Variants in SPATA13 observed in about 807,000 individuals in gnomAD.
The protein encoded by SPATA13 is spermatogenesis-associated protein 13.
A neutral mutation model predicts 104.0 loss-of-function variants in SPATA13; 50 were observed. The ratio of observed to expected loss-of-function variants is 0.48; its 90% CI spans 0.38 to 0.61. The LOEUF (loss-of-function observed/expected upper bound fraction) is 0.61. SPATA13 is among the 20% of genes least tolerant of loss of function. SPATA13 has a pLI of 0.00. For synonymous variants in SPATA13, 606 were observed against 667.5 expected, an observed-to-expected ratio of 0.91 and a Z score of 1.42; for missense variants, 1,524 against 1,690.6, an observed-to-expected ratio of 0.90 and a Z score of 1.73.
chr13:24,169,649 T>C (rs184047672), intron 1 of SPATA13, among the ~76,000 whole-genome samples: 4 of 152,318 alleles, frequency 2.6e-5, no homozygotes, highest in Admixed American at 2.0e-4. Context: ...AGGTGCCCAG[T>C]GTCGCTTCTC....
At position 24,300,420 on chromosome 13, in the gene SPATA13, C is replaced by G. The variant is rs1462043940; in HGVS notation, c.3603C>G (p.Asn1201Lys). Reference sequence around the variant, plus strand: ...ATGCAGGAATGGAAATTTCAGAAAACCAGAAGAAACTTGCCATGTTAAATG... The same window carrying G: ...ATGCAGGAATGGAAATTTCAGAAAAGCAGAAGAAACTTGCCATGTTAAATG... ...DKEMGMEISE[N>K]QKKLAMLNAQ... is the part of the protein sequence containing the mutation. Residue 1201 changes from asparagine (N) to lysine (K), a missense_variant, in exon 12 of 13, where the codon AAC (asparagine) becomes AAG (lysine). Asn to Lys is a moderately conservative substitution (Grantham distance 94). Transcript: ENST00000382108. 6.2e-7 allele frequency: 1 copy of G among 1,613,122 alleles called. No homozygotes were observed. Among genetic ancestry groups the G allele is most frequent in the Non-Finnish European group, 8.5e-7 (1 of 1,179,702 alleles).
At chr13:24,031,406 A>G (rs1167345335) in intron 3 of SPATA13, among the ~76,000 whole-genome samples, 1 of 152,222 alleles carries the variant, frequency 6.6e-6, no homozygotes, top group Non-Finnish European at 1.5e-5. Context: ...TTAGTTCACA[A>G]TGAGAGAGAG....
intron 3 of SPATA13, among the ~76,000 whole-genome samples, chr13:24,100,143 A>T (rs897624191): frequency 1.8e-3 from 42 of 23,748 alleles, no homozygotes; most frequent in African/African-American, 8.3e-3. Context: ...TAAATAGTTT[A>T]AAAAAAAAAA....
intron 1 of SPATA13, among the ~76,000 whole-genome samples, chr13:24,206,191 CA>C (rs1870687702): frequency 6.6e-6 from 1 of 152,000 alleles, no homozygotes; most frequent in Admixed American, 6.6e-5. Flanking sequence ...AAAGGTCTAA[CA>C]TCCAACATCT....
intron 3 of SPATA13, among the ~76,000 whole-genome samples, chr13:24,071,626 G>A (rs1033026866): frequency 8.5e-5 from 13 of 152,176 alleles, no homozygotes; most frequent in African/African-American, 3.1e-4. Flanking sequence ...TGTTCCTTTG[G>A]TGTCTGACCG....
rs568543279 is a variant in SPATA13, at chr13:24,294,611, G to T, written c.3081-128G>T. ...AGGGAACAAGAAAAAGGGAAACAGT[G>T]GCTAATGACGTAAATGTCACTTTGT... On this transcript the variant is annotated intron_variant, in intron 9 of 12. Coordinates refer to ENST00000382108, the MANE Select transcript of SPATA13 (RefSeq NM_001166271.3). 4.8e-5 allele frequency: 45 copies of T among 942,980 alleles called. 1 individual carries two copies. In the South Asian group the frequency reaches 1.1e-3, roughly 24 times the overall value. The allele number at this position is 942,980 out of a possible 1,614,324, so 58.4% of individuals were successfully genotyped here.
rs750649425 is a variant in SPATA13 at position 24,297,643 on chromosome 13, A to T, written c.3491A>T (p.Tyr1164Phe). 10 of 1,614,226 alleles carry T rather than the reference A, an allele frequency of 6.2e-6. No homozygotes were observed. In the South Asian group the frequency reaches 1.1e-4, roughly 18 times the overall value. ...GTCAGTAGGACCACAGACGAGGTTT[A>T]TTTGTTTTGTGCCAAAAAACAAGAA... Reference protein sequence around the residue: ...KLVSRTTDEVYLFCAKKQEDK... With the variant: ...KLVSRTTDEVFLFCAKKQEDK... Residue 1164 changes from tyrosine to phenylalanine, a missense_variant, in exon 11 of 13, where the codon TAT becomes TTT. Transcript: ENST00000382108.
chr13:24,256,840 C>T (rs903388559), intron 4 of SPATA13, among the ~76,000 whole-genome samples: 6 of 152,184 alleles, frequency 3.9e-5, no homozygotes, highest in Admixed American at 1.3e-4. Context: ...GGAGCCTTAT[C>T]GGAGGGAAGA....
chr13:24,082,826 C>CAAAAAAAAAAAAAA (rs3075296), intron 3 of SPATA13, among the ~76,000 whole-genome samples: 1 of 50,044 alleles, frequency 2.0e-5, no homozygotes, highest in African/African-American at 8.6e-5. Context: ...GACTCCGTCT[C>CAAAAAAAAAAAAAA]AAAAAAAAAA....
upstream of SPATA13, among the ~76,000 whole-genome samples, chr13:24,159,066 T>G: frequency 6.6e-6 from 1 of 152,222 alleles, no homozygotes; most frequent in East Asian, 1.9e-4. Context: ...AAAATCAAAA[T>G]CTGCTCCTCA....
chr13:24,162,511 A>T, intron 1 of SPATA13: 1 of 155,982 alleles, frequency 6.4e-6, no homozygotes. Flanking sequence ...GCATCTCTGC[A>T]GGAGGACTCT....
chr13:24,058,371 G>GT (rs1017013935), intron 3 of SPATA13, among the ~76,000 whole-genome samples: 1 of 151,800 alleles, frequency 6.6e-6, no homozygotes, highest in African/African-American at 2.4e-5. Context: ...AATGCTCACC[G>GT]TAATCCCTTC....
chr13:24,206,555 TTACTGGG>T (rs1348467537), intron 1 of SPATA13, among the ~76,000 whole-genome samples: 1 of 152,152 alleles, frequency 6.6e-6, no homozygotes, highest in Admixed American at 6.5e-5. Context: ...AACAATCCCA[TTACTGGG>T]TATATACCCA....
chr13:24,233,883 TTAAACA>T (rs1872420714), intron 2 of SPATA13, among the ~76,000 whole-genome samples: 1 of 90,856 alleles, frequency 1.1e-5, no homozygotes. Context: ...CTTTATACAC[TTAAACA>T]CACACACACA....
intron 3 of SPATA13, among the ~76,000 whole-genome samples, chr13:24,096,770 G>A (rs1323698402): frequency 1.3e-5 from 2 of 152,252 alleles, no homozygotes; most frequent in Admixed American, 6.5e-5. Context: ...GCAGAGCCCT[G>A]CAGAAGAGAG....
chr13:24,249,360 C>T (rs1873343441), intron 2 of SPATA13, 117 bp from the exon 3 acceptor site: 1 of 1,270,470 alleles, frequency 7.9e-7, no homozygotes, highest in Non-Finnish European at 1.1e-6. Context: ...TTTTAATAAA[C>T]AAGTAAATCA....
At chr13:23,985,567 C>T (rs1468203545) in intron 2 of SPATA13, among the ~76,000 whole-genome samples, 2 of 152,200 alleles carry the variant, frequency 1.3e-5, no homozygotes, top group Admixed American at 6.5e-5. Flanking sequence ...TGTGTCTGCC[C>T]CAGTGTGAGT....
intron 1 of SPATA13, among the ~76,000 whole-genome samples, chr13:24,172,300 A>G (rs1883006878): frequency 6.6e-6 from 1 of 152,256 alleles, no homozygotes; most frequent in African/African-American, 2.4e-5. Context: ...TTTCTGAATC[A>G]GTGGCTTGGC....
At chr13:24,091,362 G>C (rs1351868058) in intron 3 of SPATA13, among the ~76,000 whole-genome samples, 1 of 152,102 alleles carries the variant, frequency 6.6e-6, no homozygotes, top group Non-Finnish European at 1.5e-5. Flanking sequence ...AAGCTTTTTG[G>C]TCAGCCTCTT....
Sources: gnomAD v4.1 joint callset for allele counts (sites outside exome capture counted in the v4.1 genomes callset) on GRCh38, gnomAD v4.1.1 for gene constraint, MANE v1.5 for transcripts, NCBI Gene and HGNC (gene_info 2026-07-23, HGNC 2026-07-21) for gene names.